The following SLCO1B3 variants were observed in gnomAD, a reference collection of about 807,000 sequenced individuals.
The protein encoded by SLCO1B3 is liver-specific organic anion transporter 2.
Under a neutral mutation model 71.8 loss-of-function variants are expected in SLCO1B3, and 72 were observed. The observed-to-expected ratio is 1.00, with a 90% CI of 0.83 to 1.22. The LOEUF (loss-of-function observed/expected upper bound fraction) is 1.22. SLCO1B3 is among the 50% of genes most tolerant of loss of function. The pLI is 0.00. For missense variants in SLCO1B3, 911 were observed against 819.7 expected (o/e 1.11, Z -1.36); for synonymous variants, 298 against 278.4 (o/e 1.07, Z -0.70).
intron 4 of SLCO1B3, among the ~76,000 whole-genome samples, chr12:20,857,545 A>G (rs1056102944): frequency 1.3e-5 from 2 of 151,964 alleles, no homozygotes; most frequent in African/African-American, 2.4e-5. Flanking sequence ...TAAATTTATA[A>G]CAACACTTTA....
intron 8 of SLCO1B3, among the ~76,000 whole-genome samples, chr12:20,869,113 CAG>C (rs1268360488): frequency 6.6e-6 from 1 of 152,118 alleles, no homozygotes; most frequent in African/African-American, 2.4e-5. Flanking sequence ...GGTGGAGGAG[CAG>C]AGTCTTTTCT....
At chr12:20,837,625 A>G (rs1337514997) in intron 3 of SLCO1B3, among the ~76,000 whole-genome samples, 2 of 152,058 alleles carry the variant, frequency 1.3e-5, no homozygotes, top group African/African-American at 4.8e-5. Flanking sequence ...GGATTTTTCC[A>G]GTTATTTCTG....
Position 20,879,551 on chromosome 12 carries a change from A to G in SLCO1B3, c.1251A>G (p.Ile417Met), listed in dbSNP as rs761817241. Residue 417 changes from isoleucine to methionine, a missense_variant, in exon 11 of 16, where the codon ATA becomes ATG. Ile to Met is a conservative substitution (Grantham distance 10, BLOSUM62 1). Coordinates refer to ENST00000381545, the MANE Select transcript of SLCO1B3 (RefSeq NM_019844.4). ...AATTTTCATTTCTTACTTCGATGATATCCTTCTTGTTTCAACTTCTATATT... is the reference window on the plus strand; with the variant it reads ...AATTTTCATTTCTTACTTCGATGATGTCCTTCTTGTTTCAACTTCTATATT... ...IAKFSFLTSM[I>M]SFLFQLLYFP... 1.2e-6 allele frequency: 2 copies of G among 1,612,618 alleles called. No individual in the cohort carries two copies. Among genetic ancestry groups the G allele is most frequent in the Admixed American group, 1.7e-5 (1 of 59,830 alleles).
At chr12:20,844,706 G>GA (rs1338252723) in intron 3 of SLCO1B3, among the ~76,000 whole-genome samples, 4 of 151,740 alleles carry the variant, frequency 2.6e-5, no homozygotes, top group Admixed American at 6.6e-5. Context: ...ACTGTGGTCT[G>GA]AAAAAAATAG....
intron 3 of SLCO1B3, among the ~76,000 whole-genome samples, chr12:20,828,980 C>T (rs372868716): frequency 7.1e-6 from 1 of 141,686 alleles, no homozygotes; most frequent in Non-Finnish European, 1.6e-5. Context: ...TTTCCTTTTG[C>T]TGGTTGTTTT....
At chr12:20,871,255 G>A (rs892688139) in intron 8 of SLCO1B3, among the ~76,000 whole-genome samples, 1 of 152,040 alleles carries the variant, frequency 6.6e-6, no homozygotes, top group Non-Finnish European at 1.5e-5. Context: ...AATAGTATTG[G>A]CATTAATTAT....
intron 15 of SLCO1B3, among the ~76,000 whole-genome samples, chr12:20,906,663 C>T (rs552006334): frequency 2.0e-5 from 3 of 152,108 alleles, no homozygotes; most frequent in East Asian, 1.9e-4. Context: ...AATCACGAAA[C>T]ATTTTTCAAA....
At position 20,848,914 on chromosome 12, in the gene SLCO1B3, A is replaced by G. The variant is rs1765088049; in HGVS notation, c.85-6114A>G. 1.3e-5 allele frequency among the ~76,000 whole-genome samples: 2 copies of G among 152,078 alleles called. 1 individual carries two copies. Among genetic ancestry groups the G allele is most frequent in the South Asian group, 4.1e-4 (2 of 4,826 alleles). On this transcript the variant is annotated intron_variant, in intron 3 of 15. Transcript: ENST00000381545. ...TATGATACAGTAATGAAGAAGACCT[A>G]TCAATATACATTTATCAGAATCGAT...
At chr12:20,881,069 A>T in intron 12 of SLCO1B3, 49 bp downstream of exon 12, 1 of 1,319,096 alleles carries the variant, frequency 7.6e-7, no homozygotes. Flanking sequence ...AAAATCACAG[A>T]TTTGATTTAA....
In SLCO1B3 at chr12:20,896,956, T is replaced by C. The variant is rs985447981; in HGVS notation, c.1683-1480T>C. ...AAGGAGAGTTTGTGCAGGAAAACTC[T>C]GACTTACAAAGCCATCAGATCTTGT... is the stretch of plus-strand genomic sequence containing the variant. On this transcript the variant is annotated intron_variant, in intron 13 of 15. Transcript: ENST00000381545. Among the ~76,000 whole-genome samples, 3 of 152,204 alleles carry C rather than the reference T, an allele frequency of 2.0e-5. No homozygotes were observed. In the South Asian group the frequency reaches 6.2e-4, roughly 31 times the overall value.
intron 8 of SLCO1B3, among the ~76,000 whole-genome samples, chr12:20,870,703 T>A (rs573669575): frequency 6.6e-6 from 1 of 152,222 alleles, no homozygotes; most frequent in Non-Finnish European, 1.5e-5. Context: ...ATGCCAGTAC[T>A]GTAATGTATT....
intron 1 of SLCO1B3, among the ~76,000 whole-genome samples, chr12:20,813,177 T>C (rs1864136246): frequency 6.6e-6 from 1 of 152,242 alleles, no homozygotes; most frequent in Non-Finnish European, 1.5e-5. Flanking sequence ...TCCATATTCA[T>C]GCATTATCCA....
At chr12:20,845,069 G>A (rs990854899) in intron 3 of SLCO1B3, 5 of 366,020 alleles carry the variant, frequency 1.4e-5, no homozygotes, top group East Asian at 1.5e-4. Flanking sequence ...ATCCCTCTAA[G>A]TTTCAGAGAT....
At chr12:20,897,499 T>C (rs1164904272) in intron 13 of SLCO1B3, among the ~76,000 whole-genome samples, 1 of 152,042 alleles carries the variant, frequency 6.6e-6, no homozygotes, top group Non-Finnish European at 1.5e-5. Context: ...GATTAAGTGA[T>C]ATACTTCTAC....
At chr12:20,829,163 A>G (rs894291355) in intron 3 of SLCO1B3, among the ~76,000 whole-genome samples, 1 of 152,234 alleles carries the variant, frequency 6.6e-6, no homozygotes, top group African/African-American at 2.4e-5. Flanking sequence ...TAAGTCAAAC[A>G]AACAGACAAT....
chr12:20,829,596 AGGGGTC>A (rs1341537975), intron 3 of SLCO1B3, among the ~76,000 whole-genome samples: 1 of 152,220 alleles, frequency 6.6e-6, no homozygotes, highest in Non-Finnish European at 1.5e-5. Context: ...GTTACAGGAA[AGGGGTC>A]CCAATCCAGA....
chr12:20,913,777 G>C (rs1162900310), intron 15 of SLCO1B3, among the ~76,000 whole-genome samples: 2 of 151,968 alleles, frequency 1.3e-5, no homozygotes, highest in Non-Finnish European at 2.9e-5. Flanking sequence ...TTTGAGATGG[G>C]GTCTCACTCT....
intron 3 of SLCO1B3, among the ~76,000 whole-genome samples, chr12:20,822,349 A>C (rs1281983572): frequency 6.6e-6 from 1 of 151,538 alleles, no homozygotes; most frequent in East Asian, 1.9e-4. Flanking sequence ...GGAAAATTAC[A>C]GTCAAAGGGG....
intron 3 of SLCO1B3, among the ~76,000 whole-genome samples, chr12:20,822,433 T>C (rs1864332372): frequency 6.6e-6 from 1 of 151,864 alleles, no homozygotes; most frequent in African/African-American, 2.4e-5. Context: ...GAGAAGGAAA[T>C]TCAAAGGGTT....
Sources: allele counts gnomAD v4.1 joint callset (sites outside exome capture counted in the v4.1 genomes callset), GRCh38; gene constraint gnomAD v4.1.1; transcripts MANE v1.5; gene names NCBI Gene and HGNC (gene_info 2026-07-23, HGNC 2026-07-21).